The following SIRT5 variants were observed in gnomAD, a reference collection of about 807,000 sequenced individuals.
The protein encoded by SIRT5 is NAD-dependent protein deacylase sirtuin-5, mitochondrial.
SIRT5 carries 26 observed loss-of-function variants against 40.0 expected under a neutral mutation model. The observed-to-expected ratio is 0.65, with a 90% confidence interval of 0.48 to 0.90. The LOEUF is 0.90. SIRT5 is among the 40% of genes least tolerant of loss of function. The pLI, the probability that SIRT5 is intolerant of heterozygous loss-of-function variation, is 0.00. For missense variants in SIRT5, 401 were observed against 402.4 expected (o/e 1.00, Z 0.03); for synonymous variants, 146 against 149.1 (o/e 0.98, Z 0.15).
chr6:13,577,482 A>G (rs1397202612), intron 1 of SIRT5, among the ~76,000 whole-genome samples: 6 of 151,664 alleles, frequency 4.0e-5, no homozygotes, highest in African/African-American at 4.8e-5. Flanking sequence ...TGATTTTTAT[A>G]TGTGATTTTG....
At chr6:13,587,076 C>G (rs1467419316) in intron 3 of SIRT5, among the ~76,000 whole-genome samples, 1 of 150,690 alleles carries the variant, frequency 6.6e-6, no homozygotes, top group Non-Finnish European at 1.5e-5. Flanking sequence ...GCTTAGTCAG[C>G]TGAGGAATTC....
chr6:13,605,133 C>T (rs200385190), intron 9 of SIRT5: 13 of 985,496 alleles, frequency 1.3e-5, no homozygotes, highest in Non-Finnish European at 1.4e-5. Context: ...TTGTATATCT[C>T]GTGCTTAACA....
chr6:13,600,929 C>A lies in SIRT5; in HGVS notation c.837C>A (p.Thr279=), dbSNP rs750314065. ...TGGCTGAATTTAACACGGAGACCAC[C>A]CCAGCTACGAACAGATTCAGGTACT... is the stretch of plus-strand genomic sequence containing the variant. ...VPVAEFNTET[T]PATNRFRFHF... The change falls in exon 9 of 10, where the codon ACC becomes ACA. Residue 279 remains threonine, a synonymous_variant. Transcript: ENST00000606117. 3.1e-6 allele frequency: 5 copies of A among 1,613,984 alleles called. No individual in the cohort carries two copies. The South Asian group carries it at 5.5e-5, about 18-fold the overall frequency.
rs199876199 is a variant in SIRT5 at position 13,600,942 on chromosome 6, A to G, written c.850A>G (p.Arg284Gly). ...CACGGAGACCACCCCAGCTACGAAC[A>G]GATTCAGGTACTGGGATACCCTGAT... ...FNTETTPATN[R>G]FRFHFQGPCG... Residue 284 changes from arginine to glycine, a missense_variant, in exon 9 of 10, where the codon AGA (arginine) becomes GGA (glycine). Physicochemically the swap from Arg to Gly is moderately radical, Grantham distance 125. Coordinates refer to ENST00000606117, the MANE Select transcript of SIRT5 (RefSeq NM_012241.5). 3 of 1,613,382 alleles carry G rather than the reference A, an allele frequency of 1.9e-6. No homozygotes were observed. Among genetic ancestry groups the G allele is most frequent in the Non-Finnish European group, 2.5e-6 (3 of 1,179,366 alleles).
rs1763985549 is a variant in SIRT5, at chr6:13,611,929, G to C, written c.*64G>C. 24 of 1,483,554 alleles carry C rather than the reference G, an allele frequency of 1.6e-5. No individual in the cohort carries two copies. The highest frequency in any genetic ancestry group is 2.3e-5 in the Non-Finnish European group (24 of 1,064,396). 91.9% of individuals were successfully genotyped at this position (1,483,554 alleles called of 1,614,324 possible). A position where few individuals can be genotyped will look rare whatever the true frequency, so the allele number is the denominator to read the frequency against. The stretch of plus-strand genomic sequence containing the variant: ...ACTAGGCCACACGCAGAGGAGAAAT[G>C]GTCTTATGGGTGGTGAGCTGAGTAC... On this transcript the variant is annotated 3_prime_UTR_variant, in exon 10 of 10. Coordinates refer to ENST00000606117, the MANE Select transcript of SIRT5 (RefSeq NM_012241.5).
At chr6:13,585,827 C>T (rs1759999653) in intron 3 of SIRT5, among the ~76,000 whole-genome samples, 1 of 152,180 alleles carries the variant, frequency 6.6e-6, no homozygotes, top group African/African-American at 2.4e-5. Context: ...CACTCTCTTC[C>T]ACAATGGTTG....
intron 9 of SIRT5, among the ~76,000 whole-genome samples, chr6:13,608,657 T>C (rs768200418): frequency 6.6e-6 from 1 of 151,964 alleles, no homozygotes; most frequent in Non-Finnish European, 1.5e-5. Context: ...CAGCAAAATA[T>C]CATATGAATT....
At chr6:13,601,674 T>G (rs1762408980) in intron 9 of SIRT5, among the ~76,000 whole-genome samples, 1 of 152,148 alleles carries the variant, frequency 6.6e-6, no homozygotes, top group Non-Finnish European at 1.5e-5. Context: ...GTTTCCAACC[T>G]TGGCTGCATA....
At chr6:13,595,940 T>C (rs1761519609) in intron 6 of SIRT5, among the ~76,000 whole-genome samples, 3 of 152,146 alleles carry the variant, frequency 2.0e-5, no homozygotes, top group Admixed American at 2.0e-4. Flanking sequence ...TGCAGTGAGC[T>C]GAGATCATGC....
chr6:13,590,189 G>C (rs186964268), intron 4 of SIRT5, among the ~76,000 whole-genome samples: 2 of 152,262 alleles, frequency 1.3e-5, no homozygotes, highest in Admixed American at 1.3e-4. Flanking sequence ...TGTACAGTTT[G>C]ATGAGTTTTA....
At chr6:13,578,747 A>G (rs372116746) in intron 1 of SIRT5, among the ~76,000 whole-genome samples, 32 of 151,910 alleles carry the variant, frequency 2.1e-4, no homozygotes, top group African/African-American at 7.5e-4. Flanking sequence ...AATTTCTGAT[A>G]TAATCTTTCA....
At chr6:13,597,093 CAT>C in intron 7 of SIRT5, 77 bp downstream of exon 7, 1 of 1,177,534 alleles carries the variant, frequency 8.5e-7, no homozygotes. Context: ...AAAACCTAAA[CAT>C]GTATTTGGCA....
At position 13,611,228 on chromosome 6, in the gene SIRT5, TATATATATAC is replaced by T. The variant is rs1562284242; in HGVS notation, c.858-560_858-551del. Among the ~76,000 whole-genome samples the T allele has an allele frequency of 6.9e-5, 9 of 131,232 alleles. No homozygotes were observed. In the East Asian group the frequency reaches 8.3e-4, roughly 12 times the overall value. The allele number at this position is 131,232 out of a possible 152,430, so 86.1% of individuals were successfully genotyped here. ...GTGTGTATATATATATATATATATA[TATATATATAC>T]ACACACACATACACACACACATATA... On this transcript the variant is annotated intron_variant, in intron 9 of 9. Coordinates refer to ENST00000606117, the MANE Select transcript of SIRT5 (RefSeq NM_012241.5).
At position 13,591,706 on chromosome 6, in the gene SIRT5, C is replaced by T. The variant is rs372975181; in HGVS notation, c.287C>T (p.Ser96Phe). 7 of 1,605,818 alleles carry T rather than the reference C, an allele frequency of 4.4e-6. No individual in the cohort carries two copies. The African/African-American group carries it at 8.0e-5, about 18-fold the overall frequency. The stretch of plus-strand genomic sequence containing the variant: ...CCCCTGGCCTTTGCCCACAACCCGT[C>T]CCGGGTGTGGGAGTTCTACCACTAC... ...ATPLAFAHNP[S>F]RVWEFYHYRR... The change falls in exon 5 of 10, where the codon TCC (serine) becomes TTC (phenylalanine). Residue 96 changes from serine to phenylalanine, a missense_variant. Ser to Phe is a radical substitution (Grantham distance 155, BLOSUM62 -2). Transcript: ENST00000606117.
chr6:13,579,111 G>A (rs1240643401), intron 1 of SIRT5, among the ~76,000 whole-genome samples: 1 of 152,178 alleles, frequency 6.6e-6, no homozygotes, highest in Non-Finnish European at 1.5e-5. Flanking sequence ...TTGTAACCTT[G>A]TGGAAACTAG....
chr6:13,576,354 C>T (rs910300792), intron 1 of SIRT5, among the ~76,000 whole-genome samples: 2 of 152,120 alleles, frequency 1.3e-5, no homozygotes, highest in African/African-American at 2.4e-5. Context: ...TTCTAACAAG[C>T]GTGAGGTGGT....
chr6:13,584,808 G>T (rs1479810456), intron 3 of SIRT5, among the ~76,000 whole-genome samples: 1 of 152,190 alleles, frequency 6.6e-6, no homozygotes, highest in Non-Finnish European at 1.5e-5. Flanking sequence ...CTCTGCAGGG[G>T]AGGAAAACTG....
chr6:13,598,580 A>G (rs1761925522), intron 7 of SIRT5, among the ~76,000 whole-genome samples: 3 of 152,204 alleles, frequency 2.0e-5, no homozygotes, highest in Admixed American at 1.3e-4. Context: ...CTGTAATCCC[A>G]GCACTTTGGG....
At chr6:13,578,155 C>T (rs1758861811) in intron 1 of SIRT5, among the ~76,000 whole-genome samples, 1 of 152,136 alleles carries the variant, frequency 6.6e-6, no homozygotes, top group African/African-American at 2.4e-5. Flanking sequence ...GGATAAATCT[C>T]AATCATGATG....
Sources: gnomAD v4.1 joint callset for allele counts (sites outside exome capture counted in the v4.1 genomes callset) on GRCh38, gnomAD v4.1.1 for gene constraint, MANE v1.5 for transcripts, NCBI Gene and HGNC (gene_info 2026-07-23, HGNC 2026-07-21) for gene names.